Variants in DHRS3 observed in about 807,000 individuals in gnomAD.
The protein encoded by DHRS3 is short-chain dehydrogenase/reductase 3.
In DHRS3, 14 loss-of-function variants were observed where a neutral mutation model predicts 27.2. The ratio of observed to expected loss-of-function variants is 0.52; its 90% CI spans 0.34 to 0.81. The LOEUF is 0.81. Among genes scored for constraint, DHRS3 ranks in the 30% least tolerant of loss-of-function variants. DHRS3 has a pLI of 0.01. For missense variants in DHRS3, 322 were observed against 406.2 expected, an observed-to-expected ratio of 0.79 and a Z score of 1.78; for synonymous variants, 165 against 175.9, an observed-to-expected ratio of 0.94 and a Z score of 0.49.
At position 12,594,191 on chromosome 1, in the gene DHRS3, A is replaced by G. The variant is rs1302921320; in HGVS notation, c.196-13525T>C. Among the ~76,000 whole-genome samples, 1 of 152,182 alleles carries G rather than the reference A, an allele frequency of 6.6e-6. No homozygotes were observed. Among genetic ancestry groups the G allele is most frequent in the Non-Finnish European group, 1.5e-5 (1 of 68,038 alleles). ...GGTGGGATTCAAATTTGGACAGTCT[A>G]AGTAACTCATGCAGGCTGCACTACT... On this transcript the variant is annotated intron_variant, in intron 1 of 5. Transcript: ENST00000616661. This position sits in a 1 kb window ranked among gnomAD's most constrained non-coding sequence, Gnocchi z 4.1.
intron 1 of DHRS3, among the ~76,000 whole-genome samples, chr1:12,599,369 C>T (rs985686041): frequency 8.5e-5 from 13 of 152,258 alleles, no homozygotes; most frequent in Non-Finnish European, 1.3e-4. Flanking sequence ...TTTTCCCAAG[C>T]ACCAGCCCCA....
At chr1:12,584,873 CTGTAAG>C (rs1347688047) in intron 1 of DHRS3, among the ~76,000 whole-genome samples, 2 of 85,022 alleles carry the variant, frequency 2.4e-5, no homozygotes, top group African/African-American at 4.8e-5. Context: ...TAGTATGTCT[CTGTAAG>C]TGTGTGTGTG....
chr1:12,617,180 C>T lies in DHRS3; in HGVS notation c.169G>A (p.Glu57Lys). ...TTTCTGGCGCCGCGCTCCGCGAACT[C>T]GCGGGCGAGCTGACGCCCGATGCCT... Reference protein sequence around the residue: ...GRGIGRQLAREFAERGARKIV... With the variant: ...GRGIGRQLARKFAERGARKIV... Residue 57 changes from glutamate to lysine, a missense_variant, in exon 1 of 6, where the codon GAG (glutamate) becomes AAG (lysine). Coordinates refer to ENST00000616661, the MANE Select transcript of DHRS3 (RefSeq NM_004753.7). The T allele has an allele frequency of 6.2e-7, 1 of 1,612,520 alleles. No homozygotes were observed. The highest frequency in any genetic ancestry group is 8.5e-7 in the Non-Finnish European group (1 of 1,179,724).
At chr1:12,606,136 CAAAA>C (rs35154933) in intron 1 of DHRS3, among the ~76,000 whole-genome samples, 1,434 of 106,800 alleles carry the variant, frequency 0.013, 11 homozygotes, top group Non-Finnish European at 0.016. Context: ...GACTCTGTCT[CAAAA>C]AAAAAAAAAA....
At chr1:12,596,842 G>A (rs1168334237) in intron 1 of DHRS3, among the ~76,000 whole-genome samples, 1 of 152,130 alleles carries the variant, frequency 6.6e-6, no homozygotes, top group Non-Finnish European at 1.5e-5. Context: ...CAGGTGCAGG[G>A]GGCCTGGCAC....
Position 12,579,379 on chromosome 1 carries a change from C to T in DHRS3, c.373G>A (p.Ala125Thr), listed in dbSNP as rs1168961624. ...ATTAGGCTCTTCCCATGGACCACGG[C>T]GGCATTGTTCACCAGGATGGTGATG... ...GDITILVNNAAVVHGKSLMDS... is the reference protein window; with the variant it reads ...GDITILVNNATVVHGKSLMDS... The change falls in exon 3 of 6, where the codon GCC becomes ACC. Residue 125 changes from alanine (A) to threonine (T), a missense_variant. Transcript: ENST00000616661. 9 of 1,614,016 alleles carry T rather than the reference C, an allele frequency of 5.6e-6. No individual in the cohort carries two copies. The East Asian group carries it at 6.7e-5, about 12-fold the overall frequency.
intron 2 of DHRS3, 77 bp downstream of exon 2, chr1:12,580,446 C>T (rs1226208702): frequency 1.9e-6 from 3 of 1,602,450 alleles, no homozygotes; most frequent in Non-Finnish European, 1.7e-6. Context: ...TCTTCCAGGC[C>T]ACATGAGAAT....
rs1320539414 is a variant in DHRS3, at chr1:12,608,565, CT to C, written c.195+8588del. Among the ~76,000 whole-genome samples the C allele has an allele frequency of 6.6e-6, 1 of 152,166 alleles. No individual in the cohort carries two copies. The highest frequency in any genetic ancestry group is 6.5e-5 in the Admixed American group (1 of 15,286). On this transcript the variant is annotated intron_variant, in intron 1 of 5. Transcript: ENST00000616661. The surrounding 1 kb of genome is among the most constrained non-coding windows in gnomAD (Gnocchi z 4.1). ...TGGTGTCCTCTTTTCCTCCTGCCCC[CT>C]GCCCCTGCCCCTGCCTGTGTCATTG...
intron 1 of DHRS3, among the ~76,000 whole-genome samples, chr1:12,590,449 T>G (rs1646735894): frequency 6.6e-6 from 1 of 152,146 alleles, no homozygotes; most frequent in Non-Finnish European, 1.5e-5. Flanking sequence ...TAGCTGGGAT[T>G]ACAGGCATGC....
intron 5 of DHRS3, among the ~76,000 whole-genome samples, chr1:12,569,364 A>G (rs1382118408): frequency 6.6e-6 from 1 of 151,916 alleles, no homozygotes; most frequent in Non-Finnish European, 1.5e-5. Flanking sequence ...AGATCCTGAA[A>G]CAGAGCTCAT....
At chr1:12,569,105 C>T (rs2100634902) in intron 5 of DHRS3, among the ~76,000 whole-genome samples, 1 of 152,096 alleles carries the variant, frequency 6.6e-6, no homozygotes, top group Admixed American at 6.5e-5. Context: ...GTAATCCCAG[C>T]TACTCGGGAG....
rs539803510 is a variant in DHRS3 at position 12,574,666 on chromosome 1, G to C, written c.699-1813C>G. On this transcript the variant is annotated intron_variant, in intron 4 of 5. Coordinates refer to ENST00000616661, the MANE Select transcript of DHRS3 (RefSeq NM_004753.7). This position sits in a 1 kb window ranked among gnomAD's most constrained non-coding sequence, Gnocchi z 4.6. Reference sequence around the variant, plus strand: ...GGGAAGGCAGGATGGACAGACCAAAGTCCATGGGCTTGACGGGAATCCTTC... The same window carrying C: ...GGGAAGGCAGGATGGACAGACCAAACTCCATGGGCTTGACGGGAATCCTTC... Among the ~76,000 whole-genome samples, 17 of 152,344 alleles carry C rather than the reference G, an allele frequency of 1.1e-4. No individual in the cohort carries two copies. The highest frequency in any genetic ancestry group is 4.1e-4 in the African/African-American group (17 of 41,578).
Position 12,617,343 on chromosome 1 carries a change from C to T in DHRS3, c.6G>A (p.Val2=). 6.3e-7 allele frequency: 1 copy of T among 1,599,376 alleles called. No individual in the cohort carries two copies. The highest frequency in any genetic ancestry group is 8.6e-7 in the Non-Finnish European group (1 of 1,168,568). M[V]WKRLGALVMF... ...TCACCAGCGCGCCCAGCCGTTTCCA[C>T]ACCATCCTCCGCGCCGCGGAGCCGG... Residue 2 remains valine (V), a synonymous_variant, in exon 1 of 6, where the codon GTG becomes GTA. Transcript: ENST00000616661.
At chr1:12,572,878 G>T in intron 4 of DHRS3, 25 bp from the exon 5 acceptor site, 7 of 1,565,978 alleles carry the variant, frequency 4.5e-6, no homozygotes, top group Non-Finnish European at 6.1e-6. Flanking sequence ...AGACACAGTG[G>T]GTTTCTCCTG....
chr1:12,598,260 C>T (rs974338682), intron 1 of DHRS3, among the ~76,000 whole-genome samples: 2 of 152,070 alleles, frequency 1.3e-5, no homozygotes, highest in African/African-American at 2.4e-5. Context: ...TGGTGGTGCG[C>T]GCCTGTAGTC....
Position 12,580,523 on chromosome 1 carries a change from C to T in DHRS3, c.339G>A (p.Lys113=). The T allele has an allele frequency of 6.2e-7, 1 of 1,614,188 alleles. No homozygotes were observed. Among genetic ancestry groups the T allele is most frequent in the Non-Finnish European group, 8.5e-7 (1 of 1,180,046 alleles). ...GAATAGACCCTCCCAGGCTACAGAC[C>T]TTCTCCCGGACGGCCTTGGCCGTCT... ...VYQTAKAVRE[K]VGDITILVNN... Residue 113 remains lysine (K), a splice_region_variant and synonymous_variant, in exon 2 of 6, where the codon AAG becomes AAA. Coordinates refer to ENST00000616661, the MANE Select transcript of DHRS3 (RefSeq NM_004753.7).
intron 1 of DHRS3, among the ~76,000 whole-genome samples, chr1:12,589,126 C>G (rs1172040731): frequency 3.3e-5 from 5 of 152,198 alleles, no homozygotes; most frequent in Non-Finnish European, 5.9e-5. Context: ...CAACATCTAG[C>G]TTTTAAGACA....
chr1:12,587,946 G>A (rs147644015), intron 1 of DHRS3, among the ~76,000 whole-genome samples: 1 of 152,230 alleles, frequency 6.6e-6, no homozygotes, highest in African/African-American at 2.4e-5. Flanking sequence ...GAGTGAGTGA[G>A]GGAGGGAGCC....
intron 5 of DHRS3, chr1:12,569,887 A>T (rs1269565741): frequency 6.6e-6 from 1 of 152,196 alleles, no homozygotes; most frequent in Non-Finnish European, 1.5e-5. Context: ...TTTTAATCGT[A>T]CAATTAAATT....
Sources: allele counts gnomAD v4.1 joint callset (sites outside exome capture counted in the v4.1 genomes callset), GRCh38; gene constraint gnomAD v4.1.1; non-coding constraint Gnocchi (gnomAD v3.1); transcripts MANE v1.5; gene names NCBI Gene and HGNC (gene_info 2026-07-23, HGNC 2026-07-21).